ELP1: variants seen among roughly 807,000 people sequenced by gnomAD.
ELP1 encodes the protein elongator complex protein 1.
A neutral mutation model predicts 183.2 loss-of-function variants in ELP1; 131 were observed. The ratio of observed to expected loss-of-function variants is 0.72; its 90% CI spans 0.62 to 0.83. The LOEUF (loss-of-function observed/expected upper bound fraction) is 0.83. Among genes scored for constraint, ELP1 ranks in the 40% least tolerant of loss-of-function variants. The pLI is 0.00. For synonymous variants in ELP1, 555 were observed against 569.0 expected, an observed-to-expected ratio of 0.98 and a Z score of 0.35; for missense variants, 1,550 against 1,594.9, an observed-to-expected ratio of 0.97 and a Z score of 0.48.
intron 4 of ELP1, among the ~76,000 whole-genome samples, chr9:108,926,927 C>T (rs1366605849): frequency 1.3e-5 from 2 of 152,134 alleles, no homozygotes; most frequent in Non-Finnish European, 1.5e-5. Flanking sequence ...AGCTGGTTTA[C>T]TAAACTCATC....
chr9:108,910,641 C>T (rs1243246667), intron 12 of ELP1, among the ~76,000 whole-genome samples: 1 of 152,008 alleles, frequency 6.6e-6, no homozygotes, highest in African/African-American at 2.4e-5. Flanking sequence ...GAGGAAAACC[C>T]CATCTCTGAC....
In ELP1 at chr9:108,914,377, G is replaced by T. The variant is rs193010117; in HGVS notation, c.958+1827C>A. 8.2e-3 allele frequency among the ~76,000 whole-genome samples: 933 copies of T among 113,402 alleles called. 38 individuals carry two copies. In the Admixed American group the frequency reaches 0.082, roughly 10 times the overall value. 74.4% of individuals were successfully genotyped at this position (113,402 alleles called of 152,430 possible). Reference sequence around the variant, plus strand: ...CGGGCCACTGCACTCCAGCCTGGGGGAAAGAGAGAGACTCCGTCTCCAAAA... The same window carrying T: ...CGGGCCACTGCACTCCAGCCTGGGGTAAAGAGAGAGACTCCGTCTCCAAAA... On this transcript the variant is annotated intron_variant, in intron 10 of 36. Coordinates refer to ENST00000374647, the MANE Select transcript of ELP1 (RefSeq NM_003640.5).
chr9:108,926,255 T>C (rs1345822150), intron 5 of ELP1, among the ~76,000 whole-genome samples: 2 of 152,224 alleles, frequency 1.3e-5, no homozygotes, highest in African/African-American at 4.8e-5. Flanking sequence ...CCTTGTACAG[T>C]CCCTTTCACT....
chr9:108,888,130 ATG>A (rs757397467), intron 29 of ELP1, among the ~76,000 whole-genome samples: 15 of 152,256 alleles, frequency 9.9e-5, no homozygotes, highest in Admixed American at 5.2e-4. Context: ...CCAATGCACT[ATG>A]TGAGTGAAAG....
chr9:108,916,332 G>A, intron 9 of ELP1, 35 bp from the exon 10 acceptor site: 1 of 1,505,110 alleles, frequency 6.6e-7, no homozygotes, highest in East Asian at 2.3e-5. Flanking sequence ...TTGGCTTTCA[G>A]TTATGGATTT....
rs561812306 is a variant in ELP1 at position 108,891,895 on chromosome 9, CACCATG to C, written c.2959-497_2959-492del. Among the ~76,000 whole-genome samples, 105 of 152,256 alleles carry C rather than the reference CACCATG, an allele frequency of 6.9e-4. 3 individuals carry two copies. In the South Asian group the frequency reaches 0.021, roughly 31 times the overall value. On this transcript the variant is annotated intron_variant, in intron 27 of 36. Transcript: ENST00000374647. The stretch of plus-strand genomic sequence containing the variant: ...GGCACCAGGCAGAGGGCAGAGAAGG[CACCATG>C]GCCATGCAGCAGGAATGTGTATAGC...
intron 15 of ELP1, among the ~76,000 whole-genome samples, chr9:108,903,280 A>G (rs936829409): frequency 6.6e-6 from 1 of 151,938 alleles, no homozygotes; most frequent in Non-Finnish European, 1.5e-5. Flanking sequence ...CCTGTGTCCA[A>G]GTGTTCTCAC....
intron 11 of ELP1, among the ~76,000 whole-genome samples, chr9:108,911,547 G>A (rs1829224580): frequency 6.6e-6 from 1 of 152,198 alleles, no homozygotes; most frequent in Non-Finnish European, 1.5e-5. Context: ...TTTCCTATGT[G>A]TGGATTTGGT....
At chr9:108,890,834 G>C (rs193076533) in intron 28 of ELP1, among the ~76,000 whole-genome samples, 11 of 152,306 alleles carry the variant, frequency 7.2e-5, no homozygotes, top group Admixed American at 1.3e-4. Flanking sequence ...CTTCCATCCA[G>C]GTCATTTCCA....
chr9:108,869,856 T>TA (rs1197637710), intron 36 of ELP1, among the ~76,000 whole-genome samples: 11 of 152,338 alleles, frequency 7.2e-5, no homozygotes, highest in African/African-American at 2.4e-4. Context: ...TTATTTATGA[T>TA]AAACTTCCAG....
rs1196156975 is a variant in ELP1 at position 108,929,761 on chromosome 9, C to G, written c.303+8G>C. On this transcript the variant is annotated splice_region_variant and intron_variant, in intron 3 of 36. Transcript: ENST00000374647. ...GAGACTCCCCCCTCACTGGAGTCTT[C>G]CACTTACCTGTTGTGTGCTGAGACT... The G allele has an allele frequency of 1.2e-6, 2 of 1,614,056 alleles. No individual in the cohort carries two copies. Among genetic ancestry groups the G allele is most frequent in the Non-Finnish European group, 1.7e-6 (2 of 1,180,006 alleles).
chr9:108,889,511 G>C, intron 28 of ELP1, 118 bp from the exon 29 acceptor site: 2 of 909,782 alleles, frequency 2.2e-6, no homozygotes, highest in South Asian at 1.3e-5. Context: ...TTCTGTGAGG[G>C]AATAGGTATA....
rs757034263 is a variant in ELP1, at chr9:108,917,695, A to T, written c.741-25T>A. Reference sequence around the variant, plus strand: ...TCTTAAAGCAAACTCAGAGTGTTACAATATCGAAAGCTCACCTAACTAAAG... The same window carrying T: ...TCTTAAAGCAAACTCAGAGTGTTACTATATCGAAAGCTCACCTAACTAAAG... On this transcript the variant is annotated intron_variant, in intron 8 of 36. Transcript: ENST00000374647. 6 of 1,613,516 alleles carry T rather than the reference A, an allele frequency of 3.7e-6. No individual in the cohort carries two copies. The South Asian group carries it at 6.6e-5, about 18-fold the overall frequency.
intron 26 of ELP1, 116 bp downstream of exon 26, chr9:108,893,827 T>G: frequency 9.0e-7 from 1 of 1,109,276 alleles, no homozygotes. Flanking sequence ...ATTGTTAGAG[T>G]TTTCAGGAGT....
intron 31 of ELP1, among the ~76,000 whole-genome samples, chr9:108,880,442 AAAAC>A (rs949347851): frequency 4.8e-4 from 73 of 152,216 alleles, no homozygotes; most frequent in African/African-American, 1.6e-3. Context: ...GAGGATTGGC[AAAAC>A]AAACAAACAA....
rs2132013631 is a variant in ELP1 at position 108,911,056 on chromosome 9, G to A, written c.1314C>T (p.Asp438=). Residue 438 remains aspartate, a synonymous_variant, in exon 12 of 37, where the codon GAC becomes GAT. Coordinates refer to ENST00000374647, the MANE Select transcript of ELP1 (RefSeq NM_003640.5). The stretch of plus-strand genomic sequence containing the variant: ...GGTTACTGGCATCTAGAACAGCAAG[G>A]TCATTACTCTTTTGAGGGTGTGCTA... ...TFLAHPQKSN[D]LAVLDASNQI... The A allele has an allele frequency of 6.2e-7, 1 of 1,614,080 alleles. No individual in the cohort carries two copies. Among genetic ancestry groups the A allele is most frequent in the South Asian group, 1.1e-5 (1 of 91,086 alleles).
intron 36 of ELP1, among the ~76,000 whole-genome samples, chr9:108,873,696 G>T (rs1827575574): frequency 6.6e-6 from 1 of 152,118 alleles, no homozygotes; most frequent in Non-Finnish European, 1.5e-5. Context: ...TGACCAAATG[G>T]CCTCAGGTCT....
At position 108,880,218 on chromosome 9, in the gene ELP1, A is replaced by G. The variant is rs77154805; in HGVS notation, c.3347-53T>C. Reference sequence around the variant, plus strand: ...GAGCATGAGGTTTAAGCAAAGAGAAAAAACTAAAGGCGGGGAGCAGTGAAG... The same window carrying G: ...GAGCATGAGGTTTAAGCAAAGAGAAGAAACTAAAGGCGGGGAGCAGTGAAG... On this transcript the variant is annotated intron_variant, in intron 31 of 36. Transcript: ENST00000374647. The G allele has an allele frequency of 7.6e-5, 92 of 1,212,290 alleles. No individual in the cohort carries two copies. The African/African-American group carries it at 1.2e-3, about 16-fold the overall frequency. 75.1% of individuals were successfully genotyped at this position (1,212,290 alleles called of 1,614,324 possible).
At chr9:108,923,795 A>C (rs568139531) in intron 5 of ELP1, among the ~76,000 whole-genome samples, 2 of 152,362 alleles carry the variant, frequency 1.3e-5, no homozygotes, top group East Asian at 3.9e-4. Context: ...TATTAGGCAG[A>C]GTTGCTGAAA....
Sources: gnomAD v4.1 joint callset for allele counts (sites outside exome capture counted in the v4.1 genomes callset) on GRCh38, gnomAD v4.1.1 for gene constraint, MANE v1.5 for transcripts, NCBI Gene and HGNC (gene_info 2026-07-23, HGNC 2026-07-21) for gene names.